Variants in DNAH9 observed in about 807,000 individuals in gnomAD.
DNAH9 encodes the protein DNAH9 variant protein.
In DNAH9, 345 loss-of-function variants were observed where a neutral mutation model predicts 471.6. That is an observed-to-expected ratio of 0.73 (90% CI 0.67 to 0.80). DNAH9 has a LOEUF of 0.80. DNAH9 is among the 30% of genes least tolerant of loss of function. DNAH9 has a pLI of 0.00. For missense variants in DNAH9, 5,407 were observed against 5,609.2 expected (o/e 0.96, Z 1.15); for synonymous variants, 2,093 against 2,123.6 (o/e 0.99, Z 0.40).
chr17:11,664,754 T>C, intron 14 of DNAH9, 79 bp from the exon 15 acceptor site: 1 of 1,232,916 alleles, frequency 8.1e-7, no homozygotes, highest in Non-Finnish European at 1.2e-6. Flanking sequence ...CCATATGTTG[T>C]TTTTATTTTG....
Position 11,747,760 on chromosome 17 carries a change from A to G in DNAH9, c.6604A>G (p.Lys2202Glu). The change falls in exon 32 of 69, where the codon AAG becomes GAG. Residue 2202 changes from lysine to glutamate, a missense_variant. This residue lies in a region of DNAH9 where 4,636 missense variants were observed against 4,900.3 expected (regional missense o/e 0.95). Coordinates refer to ENST00000262442, the MANE Select transcript of DNAH9 (RefSeq NM_001372.4). ...GIINPATGEW[K>E]DGLFSSIMRE... ...CATCAATCCAGCCACAGGAGAATGG[A>G]AGGATGGTAAGAGTGGGATTCTCCC... is the stretch of plus-strand genomic sequence containing the variant. 1 of 1,613,020 alleles carries G rather than the reference A, an allele frequency of 6.2e-7. No individual in the cohort carries two copies. The highest frequency in any genetic ancestry group is 8.5e-7 in the Non-Finnish European group (1 of 1,179,104).
At chr17:11,881,115 T>C in intron 54 of DNAH9, 94 bp from the exon 55 acceptor site, 1 of 1,130,558 alleles carries the variant, frequency 8.8e-7, no homozygotes, top group Non-Finnish European at 1.3e-6. Flanking sequence ...TCCATCTGAA[T>C]ATAGCAATAT....
intron 49 of DNAH9, among the ~76,000 whole-genome samples, chr17:11,851,053 G>A (rs1233938059): frequency 2.6e-5 from 4 of 152,200 alleles, no homozygotes; most frequent in African/African-American, 9.6e-5. Context: ...AGGTTGGTGG[G>A]TAGAGTCTTA....
At position 11,775,595 on chromosome 17, in the gene DNAH9, C is replaced by CTTT. The variant is rs71142246; in HGVS notation, c.7553-5389_7553-5387dup. On this transcript the variant is annotated intron_variant, in intron 38 of 68. Coordinates refer to ENST00000262442, the MANE Select transcript of DNAH9 (RefSeq NM_001372.4). Reference sequence around the variant, plus strand: ...GCTATTTTTCTCAAAATCAGATGTTCTTTTTTTTTTTTTTTTTTTTTTTTT... The same window carrying CTTT: ...GCTATTTTTCTCAAAATCAGATGTTCTTTTTTTTTTTTTTTTTTTTTTTTTTTT... Among the ~76,000 whole-genome samples, 288 of 61,004 alleles carry CTTT rather than the reference C, an allele frequency of 4.7e-3. 44 individuals carry two copies. Among genetic ancestry groups the CTTT allele is most frequent in the African/African-American group, 0.016 (218 of 13,216 alleles). 40.0% of individuals were successfully genotyped at this position (61,004 alleles called of 152,430 possible).
At chr17:11,688,304 T>C (rs2074275081) in intron 19 of DNAH9, among the ~76,000 whole-genome samples, 2 of 151,972 alleles carry the variant, frequency 1.3e-5, no homozygotes, top group African/African-American at 4.8e-5. Context: ...CTAGAAATGG[T>C]GCTCATAGGT....
Position 11,623,204 on chromosome 17 carries a change from C to A in DNAH9, c.1350+3423C>A, listed in dbSNP as rs1444708691. On this transcript the variant is annotated intron_variant, in intron 6 of 68. Coordinates refer to ENST00000262442, the MANE Select transcript of DNAH9 (RefSeq NM_001372.4). The surrounding 1 kb of genome is among the most constrained non-coding windows in gnomAD (Gnocchi z 4.1). ...GGTCAGGCTGGTCTTGAACTCCCAA[C>A]CTCAGGAGATCCACCCAGCTTGGCC... is the stretch of plus-strand genomic sequence containing the variant. Among the ~76,000 whole-genome samples the A allele has an allele frequency of 6.6e-6, 1 of 151,972 alleles. No homozygotes were observed. Among genetic ancestry groups the A allele is most frequent in the African/African-American group, 2.4e-5 (1 of 41,374 alleles).
At chr17:11,889,423 G>A (rs1299092535) in intron 57 of DNAH9, among the ~76,000 whole-genome samples, 3 of 152,212 alleles carry the variant, frequency 2.0e-5, no homozygotes, top group African/African-American at 7.2e-5. Context: ...ATGAAGGTTT[G>A]GAAGATTGAC....
intron 1 of DNAH9, among the ~76,000 whole-genome samples, chr17:11,603,572 T>G (rs932652905): frequency 6.6e-6 from 1 of 152,106 alleles, no homozygotes; most frequent in African/African-American, 2.4e-5. Context: ...CCTGAGGAGA[T>G]CACTCTAGCA....
Position 11,891,824 on chromosome 17 carries a change from C to T in DNAH9, c.11160C>T (p.Asp3720=), listed in dbSNP as rs767969724. ...FQKAVERAAP[D]ESLRERVANL... ...AGGCTGTGGAGAGGGCTGCTCCTGA[C>T]GAAAGCCTCAGGGAGCGGGTGGCCA... Residue 3720 remains aspartate, a synonymous_variant, in exon 58 of 69, where the codon GAC becomes GAT. Coordinates refer to ENST00000262442, the MANE Select transcript of DNAH9 (RefSeq NM_001372.4). 2.5e-5 allele frequency: 41 copies of T among 1,613,966 alleles called. No individual in the cohort carries two copies. The highest frequency in any genetic ancestry group is 3.3e-5 in the Admixed American group (2 of 59,996).
intron 55 of DNAH9, chr17:11,882,943 A>G: frequency 1.0e-6 from 1 of 985,492 alleles, no homozygotes; most frequent in South Asian, 4.7e-5. Context: ...CTGTGGTTGG[A>G]ACCTCCAACA....
intron 38 of DNAH9, among the ~76,000 whole-genome samples, chr17:11,777,580 C>G (rs565987379): frequency 8.5e-4 from 129 of 152,322 alleles, no homozygotes; most frequent in African/African-American, 2.9e-3. Flanking sequence ...AAGCTCATCA[C>G]AGTTCTGAAT....
intron 30 of DNAH9, among the ~76,000 whole-genome samples, chr17:11,743,816 C>T (rs1427320301): frequency 1.3e-5 from 2 of 149,286 alleles, no homozygotes; most frequent in African/African-American, 5.0e-5. Context: ...TTGCATAGCA[C>T]ATTTTTCCTT....
intron 11 of DNAH9, among the ~76,000 whole-genome samples, chr17:11,645,219 C>T (rs2073357840): frequency 6.6e-6 from 1 of 152,198 alleles, no homozygotes; most frequent in South Asian, 2.1e-4. Context: ...TGTTCTTTCT[C>T]CTGGTTCAGG....
intron 27 of DNAH9, 43 bp downstream of exon 27, chr17:11,719,533 G>A (rs373268825): frequency 6.4e-7 from 1 of 1,565,936 alleles, no homozygotes; most frequent in Non-Finnish European, 8.7e-7. Flanking sequence ...GTGGGGGATA[G>A]GAACTCAGGG....
chr17:11,729,025 G>A (rs188269332), intron 28 of DNAH9, among the ~76,000 whole-genome samples: 39 of 152,220 alleles, frequency 2.6e-4, no homozygotes, highest in Admixed American at 1.8e-3. Flanking sequence ...AGACAAGTTC[G>A]AACCCAATAG....
At position 11,778,329 on chromosome 17, in the gene DNAH9, CAAAAAAAAAAAA is replaced by C. The variant is rs57983162; in HGVS notation, c.7553-2658_7553-2647del. Among the ~76,000 whole-genome samples, 335 of 48,616 alleles carry C rather than the reference CAAAAAAAAAAAA, an allele frequency of 6.9e-3. 1 individual carries two copies. Among genetic ancestry groups the C allele is most frequent in the African/African-American group, 0.014 (277 of 19,608 alleles). 31.9% of individuals were successfully genotyped at this position (48,616 alleles called of 152,430 possible). ...TGGGCGACAGAGTGAGACTCCATCT[CAAAAAAAAAAAA>C]AAAAAAAAAAAAAAAAAAAAAGAAA... On this transcript the variant is annotated intron_variant, in intron 38 of 68. Coordinates refer to ENST00000262442, the MANE Select transcript of DNAH9 (RefSeq NM_001372.4).
rs936713110 is a variant in DNAH9, at chr17:11,822,306, A to C, written c.8851-132A>C. 3 of 1,178,780 alleles carry C rather than the reference A, an allele frequency of 2.5e-6. No homozygotes were observed. In the Admixed American group the frequency reaches 6.3e-5, roughly 25 times the overall value. 73.0% of individuals were successfully genotyped at this position (1,178,780 alleles called of 1,614,324 possible). A position where few individuals can be genotyped will look rare whatever the true frequency, so the allele number is the denominator to read the frequency against. On this transcript the variant is annotated intron_variant, in intron 46 of 68. Coordinates refer to ENST00000262442, the MANE Select transcript of DNAH9 (RefSeq NM_001372.4). ...CTCTTGGCTGGTGAGGCTGGCTAGC[A>C]TTTACAGATATTATCTCTGTTGGAT...
At chr17:11,742,394 G>C (rs1208138761) in intron 30 of DNAH9, 81 bp downstream of exon 30, 2 of 1,408,394 alleles carry the variant, frequency 1.4e-6, no homozygotes, top group Non-Finnish European at 2.0e-6. Flanking sequence ...AAATGTATTA[G>C]GAAAACATAC....
At chr17:11,750,036 T>A (rs990594449) in intron 32 of DNAH9, among the ~76,000 whole-genome samples, 3 of 152,206 alleles carry the variant, frequency 2.0e-5, no homozygotes, top group African/African-American at 7.2e-5. Context: ...AAAATTTTAT[T>A]AGATTTATAC....
Sources: gnomAD v4.1 joint callset for allele counts (sites outside exome capture counted in the v4.1 genomes callset) on GRCh38, gnomAD v4.1.1 for gene constraint, gnomAD v4.1.1 regional missense constraint, Gnocchi (gnomAD v3.1) non-coding constraint, MANE v1.5 for transcripts, NCBI Gene and HGNC (gene_info 2026-07-23, HGNC 2026-07-21) for gene names.